Variants in NKIRAS1 observed in about 807,000 individuals in gnomAD.
The protein encoded by NKIRAS1 is NF-kappa-B inhibitor-interacting Ras-like protein 1.
A neutral mutation model predicts 19.8 loss-of-function variants in NKIRAS1; 16 were observed. That is an observed-to-expected ratio of 0.81 (90% CI 0.55 to 1.23). The LOEUF is 1.23. NKIRAS1 is among the 50% of genes most tolerant of loss of function. NKIRAS1 has a pLI of 0.00. For missense variants in NKIRAS1, 184 were observed against 220.0 expected, an observed-to-expected ratio of 0.84 and a Z score of 1.04; for synonymous variants, 88 against 79.0, an observed-to-expected ratio of 1.11 and a Z score of -0.61.
upstream of NKIRAS1, chr3:23,919,742 A>G (rs1704967790): frequency 1.1e-5 from 14 of 1,309,020 alleles, no homozygotes; most frequent in Admixed American, 3.5e-5. Flanking sequence ...CAGTGTATAA[A>G]ACATACTGTG....
At chr3:23,945,298 C>T (rs1226849366) in intron 1 of NKIRAS1, 1 of 156,042 alleles carries the variant, frequency 6.4e-6, no homozygotes, top group Admixed American at 6.5e-5. Context: ...CAGCCGCCCT[C>T]GCCGCCGCGG....
chr3:23,944,190 A>C (rs1448481814), intron 1 of NKIRAS1, among the ~76,000 whole-genome samples: 2 of 152,188 alleles, frequency 1.3e-5, no homozygotes, highest in Non-Finnish European at 1.5e-5. Flanking sequence ...GAGAAACATA[A>C]TTTTGCTGGC....
chr3:23,931,885 G>A (rs1251957690), intron 1 of NKIRAS1, among the ~76,000 whole-genome samples: 4 of 152,128 alleles, frequency 2.6e-5, no homozygotes, highest in African/African-American at 9.7e-5. Context: ...CCCTTTCTAT[G>A]GGCACTGGGC....
chr3:23,907,384 G>C (rs1393620575), intron 3 of NKIRAS1, among the ~76,000 whole-genome samples: 1 of 151,838 alleles, frequency 6.6e-6, no homozygotes, highest in Non-Finnish European at 1.5e-5. Flanking sequence ...GTCAACTGAT[G>C]GGGGGGCGGT....
chr3:23,938,709 G>A (rs1705440748), intron 1 of NKIRAS1, among the ~76,000 whole-genome samples: 1 of 152,166 alleles, frequency 6.6e-6, no homozygotes. Context: ...ATCTGGGTGT[G>A]CTTGTGACTC....
intron 3 of NKIRAS1, among the ~76,000 whole-genome samples, chr3:23,909,725 A>G (rs932995317): frequency 6.6e-6 from 1 of 152,198 alleles, no homozygotes; most frequent in Non-Finnish European, 1.5e-5. Context: ...ATTAATAAAT[A>G]ATTATTTGAC....
chr3:23,920,316 A>G (rs1225484280), upstream of NKIRAS1: 5 of 985,396 alleles, frequency 5.1e-6, no homozygotes, highest in South Asian at 9.4e-5. Context: ...AGTCAGTCTT[A>G]AAAACATCTT....
At chr3:23,894,992 TCATCC>T (rs1265583247) in intron 4 of NKIRAS1, among the ~76,000 whole-genome samples, 1 of 152,198 alleles carries the variant, frequency 6.6e-6, no homozygotes, top group African/African-American at 2.4e-5. Flanking sequence ...AATGGTCTCA[TCATCC>T]TTACCTCAGC....
At chr3:23,920,222 C>G, upstream of NKIRAS1, 1 of 985,758 alleles carries the variant, frequency 1.0e-6, no homozygotes, top group Non-Finnish European at 1.2e-6. Flanking sequence ...AATACTTAAC[C>G]GTAATGCTAA....
intron 1 of NKIRAS1, among the ~76,000 whole-genome samples, chr3:23,929,969 A>C (rs1705276994): frequency 6.6e-6 from 1 of 152,156 alleles, no homozygotes; most frequent in Non-Finnish European, 1.5e-5. Flanking sequence ...TCTAGTTTTC[A>C]TAATGATGGA....
chr3:23,918,243 C>G, upstream of NKIRAS1: 1 of 901,662 alleles, frequency 1.1e-6, no homozygotes, highest in Non-Finnish European at 1.7e-6. Flanking sequence ...CAGACTAAAG[C>G]AAAATAAACA....
chr3:23,909,466 G>A (rs1344324446), intron 3 of NKIRAS1, among the ~76,000 whole-genome samples: 1 of 152,220 alleles, frequency 6.6e-6, no homozygotes, highest in Non-Finnish European at 1.5e-5. Flanking sequence ...GGCGGAAGTT[G>A]CAGTGAGCCG....
intron 3 of NKIRAS1, among the ~76,000 whole-genome samples, chr3:23,909,847 TG>T (rs1703476613): frequency 2.2e-5 from 3 of 136,336 alleles, no homozygotes; most frequent in Non-Finnish European, 4.9e-5. Context: ...TCTGCAAAGT[TG>T]TTTTTGTTTT....
upstream of NKIRAS1, chr3:23,919,422 A>G (rs774572575): frequency 1.2e-5 from 20 of 1,604,508 alleles, no homozygotes; most frequent in Middle Eastern, 2.0e-4. Flanking sequence ...AAGGGCCACA[A>G]GTTCCACCAC....
intron 3 of NKIRAS1, 113 bp from the exon 4 acceptor site, chr3:23,901,162 A>G (rs1702480505): frequency 1.7e-6 from 2 of 1,143,142 alleles, no homozygotes; most frequent in South Asian, 3.2e-5. Flanking sequence ...ACATATAATA[A>G]TCACATTTCT....
chr3:23,914,528 C>G (rs957030995), intron 1 of NKIRAS1, among the ~76,000 whole-genome samples: 1 of 152,158 alleles, frequency 6.6e-6, no homozygotes, highest in Admixed American at 6.6e-5. Context: ...AAAATATATT[C>G]AACAGGTTTT....
intron 1 of NKIRAS1, among the ~76,000 whole-genome samples, chr3:23,933,592 GA>G (rs1316799148): frequency 6.6e-6 from 1 of 152,182 alleles, no homozygotes; most frequent in Non-Finnish European, 1.5e-5. Flanking sequence ...GGGGTTTGGG[GA>G]TAAGTGTCTA....
upstream of NKIRAS1, chr3:23,917,448 A>G: frequency 6.4e-6 from 1 of 155,754 alleles, no homozygotes; most frequent in Non-Finnish European, 1.4e-5. Flanking sequence ...GCCTAAAGTG[A>G]GGCTGCTGGT....
rs1448371386 is a variant in NKIRAS1 at position 23,892,105 on chromosome 3, T to C, written c.*990A>G. 6.6e-6 allele frequency: 1 copy of C among 152,228 alleles called. No homozygotes were observed. The highest frequency in any genetic ancestry group is 1.5e-5 in the Non-Finnish European group (1 of 68,030). 9.4% of individuals were successfully genotyped at this position (152,228 alleles called of 1,614,324 possible). ...CTTGATGTTTTAATATGTTCTTTGT[T>C]GAATAGCTTATTTTACATTTCAGTC... On this transcript the variant is annotated 3_prime_UTR_variant, in exon 5 of 5. Coordinates refer to ENST00000425478, the MANE Select transcript of NKIRAS1 (RefSeq NM_020345.4).
Sources: allele counts gnomAD v4.1 joint callset (sites outside exome capture counted in the v4.1 genomes callset), GRCh38; gene constraint gnomAD v4.1.1; transcripts MANE v1.5; gene names NCBI Gene and HGNC (gene_info 2026-07-23, HGNC 2026-07-21).